MAML2: variants seen among roughly 807,000 people sequenced by gnomAD.
The protein encoded by MAML2 is mastermind like transcriptional coactivator 2, also known as mastermind-like protein 2.
In MAML2, 22 loss-of-function variants were observed where a neutral mutation model predicts 96.1. The observed-to-expected ratio is 0.23, with a 90% confidence interval of 0.16 to 0.33. MAML2 has a LOEUF of 0.33. MAML2 is among the 10% of genes least tolerant of loss of function. The probability of loss-of-function intolerance (pLI) is 1.00; values close to 1 mark genes in which losing one functional copy is unlikely to be tolerated. For missense variants in MAML2, 1,367 were observed against 1,392.4 expected, an observed-to-expected ratio of 0.98 and a Z score of 0.29; for synonymous variants, 561 against 521.3, an observed-to-expected ratio of 1.08 and a Z score of -1.04.
intron 1 of MAML2, among the ~76,000 whole-genome samples, chr11:96,162,790 A>T (rs1433860362): frequency 6.6e-6 from 1 of 151,984 alleles, no homozygotes; most frequent in African/African-American, 2.4e-5. Flanking sequence ...GAGCTTAACT[A>T]CCCTGAACAA....
chr11:96,012,543 C>T (rs1050241589), intron 2 of MAML2, among the ~76,000 whole-genome samples: 2 of 152,184 alleles, frequency 1.3e-5, no homozygotes, highest in Non-Finnish European at 2.9e-5. Flanking sequence ...TCTATGTGCA[C>T]ATGTCTTGAC....
At chr11:96,164,035 T>G (rs1048828806) in intron 1 of MAML2, among the ~76,000 whole-genome samples, 10 of 150,938 alleles carry the variant, frequency 6.6e-5, no homozygotes, top group African/African-American at 2.5e-4. Context: ...TATTTTTTTT[T>G]GTTTTTTTTT....
chr11:96,262,642 T>A (rs1862767286), intron 1 of MAML2, among the ~76,000 whole-genome samples: 1 of 152,138 alleles, frequency 6.6e-6, no homozygotes, highest in South Asian at 2.1e-4. Context: ...TAATGTTTTT[T>A]GTATTTGTAG....
At chr11:96,227,962 C>T (rs774706335) in intron 1 of MAML2, among the ~76,000 whole-genome samples, 2 of 152,098 alleles carry the variant, frequency 1.3e-5, no homozygotes, top group Non-Finnish European at 2.9e-5. Flanking sequence ...AATAGTGGAG[C>T]GTGGTGGTGC....
intron 1 of MAML2, among the ~76,000 whole-genome samples, chr11:96,318,701 G>A (rs1168158961): frequency 6.6e-6 from 1 of 152,162 alleles, no homozygotes; most frequent in Non-Finnish European, 1.5e-5. Flanking sequence ...ACACTCAGGA[G>A]GGTGAGGATC....
At chr11:96,181,890 T>C (rs1309916912) in intron 1 of MAML2, among the ~76,000 whole-genome samples, 1 of 152,220 alleles carries the variant, frequency 6.6e-6, no homozygotes, top group African/African-American at 2.4e-5. Context: ...TTATATAATA[T>C]CACAACCACT....
At chr11:95,980,030 C>A in intron 4 of MAML2, 67 bp from the exon 5 acceptor site, 1 of 1,230,496 alleles carries the variant, frequency 8.1e-7, no homozygotes, top group South Asian at 1.5e-5. Flanking sequence ...CTGCACTTTT[C>A]AATAACTCAT....
chr11:96,174,383 CTTTAT>C (rs757279253), intron 1 of MAML2, among the ~76,000 whole-genome samples: 1 of 152,094 alleles, frequency 6.6e-6, no homozygotes, highest in African/African-American at 2.4e-5. Flanking sequence ...ACCTATTTCA[CTTTAT>C]TTTATTTTAT....
chr11:96,171,009 C>T (rs985334703), intron 1 of MAML2, among the ~76,000 whole-genome samples: 8 of 152,048 alleles, frequency 5.3e-5, no homozygotes, highest in African/African-American at 1.7e-4. Context: ...AGCCAACGTG[C>T]CTGGCCTCTA....
At chr11:96,051,916 A>G (rs369617265) in intron 2 of MAML2, among the ~76,000 whole-genome samples, 4 of 152,208 alleles carry the variant, frequency 2.6e-5, no homozygotes, top group Non-Finnish European at 4.4e-5. Context: ...CTGGCTCACA[A>G]TTAGGCAGAA....
rs7114756 is a variant in MAML2, at chr11:95,977,868, G to A, written c.*1080C>T. The A allele has an allele frequency of 8.3e-4, 187 of 225,354 alleles. 2 individuals carry two copies. The East Asian group carries it at 0.011, about 13-fold the overall frequency. 14.0% of individuals were successfully genotyped at this position (225,354 alleles called of 1,614,324 possible). ...AAATTGTTTTCCCTCTTGATTATGC[G>A]TTCCTTCAAACTCCGTGAAATACAT... On this transcript the variant is annotated 3_prime_UTR_variant, in exon 5 of 5. Coordinates refer to ENST00000524717, the MANE Select transcript of MAML2 (RefSeq NM_032427.4).
chr11:96,126,907 G>GT (rs1301942178), intron 1 of MAML2, among the ~76,000 whole-genome samples: 1 of 79,100 alleles, frequency 1.3e-5, no homozygotes. Context: ...TATGGACATG[G>GT]GGGGGGTCAA....
chr11:96,213,229 A>C (rs994872101), intron 1 of MAML2, among the ~76,000 whole-genome samples: 2 of 152,180 alleles, frequency 1.3e-5, no homozygotes, highest in South Asian at 4.1e-4. Flanking sequence ...GAACTTTCAA[A>C]GTACTTCAGC....
chr11:96,111,668 C>A (rs1197286677), intron 1 of MAML2, among the ~76,000 whole-genome samples: 1 of 152,190 alleles, frequency 6.6e-6, no homozygotes, highest in African/African-American at 2.4e-5. Flanking sequence ...CCTCTAGGTG[C>A]TTGACAGTGA....
intron 1 of MAML2, among the ~76,000 whole-genome samples, chr11:96,171,830 C>T (rs1034750695): frequency 7.2e-5 from 11 of 152,300 alleles, no homozygotes; most frequent in East Asian, 3.9e-4. Context: ...GGGAGGGAGG[C>T]GTCTGTGGAA....
chr11:96,267,257 C>A (rs908910050), intron 1 of MAML2, among the ~76,000 whole-genome samples: 4 of 151,994 alleles, frequency 2.6e-5, no homozygotes, highest in Non-Finnish European at 4.4e-5. Flanking sequence ...CTAAGACAAT[C>A]AAAAAATTAT....
intron 1 of MAML2, among the ~76,000 whole-genome samples, chr11:96,199,254 G>A (rs1222787229): frequency 1.3e-5 from 2 of 150,276 alleles, no homozygotes; most frequent in Admixed American, 6.6e-5. Flanking sequence ...TGTTGCTGCA[G>A]GTATTTTCTC....
At chr11:96,236,262 C>G (rs535756161) in intron 1 of MAML2, among the ~76,000 whole-genome samples, 1 of 152,200 alleles carries the variant, frequency 6.6e-6, no homozygotes, top group Non-Finnish European at 1.5e-5. Context: ...TCCTCTCTTC[C>G]AAAATCTTCA....
chr11:96,123,984 C>T (rs1054631256), intron 1 of MAML2, among the ~76,000 whole-genome samples: 1 of 151,048 alleles, frequency 6.6e-6, no homozygotes, highest in Non-Finnish European at 1.5e-5. Flanking sequence ...GTAGGAGAGT[C>T]GCTTGACCCC....
Sources: allele counts gnomAD v4.1 joint callset (sites outside exome capture counted in the v4.1 genomes callset), GRCh38; gene constraint gnomAD v4.1.1; transcripts MANE v1.5; gene names NCBI Gene and HGNC (gene_info 2026-07-23, HGNC 2026-07-21).